The following DOCK3 variants were observed in gnomAD, a reference collection of about 807,000 sequenced individuals.
DOCK3 encodes dedicator of cytokinesis 3, also known as dedicator of cytokinesis protein 3.
Under a neutral mutation model 265.6 loss-of-function variants are expected in DOCK3, and 60 were observed. That is an observed-to-expected ratio of 0.23 (90% CI 0.18 to 0.28). The LOEUF (loss-of-function observed/expected upper bound fraction) is 0.28. Among genes scored for constraint, DOCK3 ranks in the 10% least tolerant of loss-of-function variants. DOCK3 has a pLI of 1.00. For missense variants in DOCK3, 1,981 were observed against 2,594.3 expected (o/e 0.76, Z 5.14); for synonymous variants, 881 against 938.0 (o/e 0.94, Z 1.11).
At chr3:51,014,632 C>T (rs561777348) in intron 5 of DOCK3, among the ~76,000 whole-genome samples, 1 of 152,122 alleles carries the variant, frequency 6.6e-6, no homozygotes, top group Non-Finnish European at 1.5e-5. Context: ...TTTGGCTATT[C>T]TGTGTCTTTT....
chr3:51,257,929 C>T (rs149920523), intron 22 of DOCK3, among the ~76,000 whole-genome samples: 3 of 152,318 alleles, frequency 2.0e-5, no homozygotes, highest in African/African-American at 7.2e-5. Context: ...TGATCCAAAA[C>T]TTCAAGAGGA....
chr3:50,917,279 T>C (rs952042822), intron 4 of DOCK3, among the ~76,000 whole-genome samples: 1 of 152,114 alleles, frequency 6.6e-6, no homozygotes, highest in African/African-American at 2.4e-5. Context: ...TGATAAAACT[T>C]GACTTTTAAA....
chr3:50,803,925 C>T (rs975685952), intron 2 of DOCK3, among the ~76,000 whole-genome samples: 26 of 151,442 alleles, frequency 1.7e-4, no homozygotes, highest in Admixed American at 5.3e-4. Flanking sequence ...CGGGTGGAGA[C>T]GCTCCTCACT....
chr3:51,164,418 T>C (rs6780575), intron 12 of DOCK3, among the ~76,000 whole-genome samples: 138,633 of 152,018 alleles, frequency 0.91, 63,357 homozygotes, highest in African/African-American at 0.96. Context: ...GTCAGGAGAT[T>C]GAGACCATCC....
intron 2 of DOCK3, among the ~76,000 whole-genome samples, chr3:50,804,759 A>C (rs532634941): frequency 6.0e-4 from 78 of 130,016 alleles, no homozygotes; most frequent in Non-Finnish European, 1.2e-3. Flanking sequence ...CCGTGGGGAG[A>C]GGGAGAGGGG....
chr3:50,798,329 T>A (rs1259635613), intron 2 of DOCK3, among the ~76,000 whole-genome samples: 2 of 152,258 alleles, frequency 1.3e-5, no homozygotes, highest in Non-Finnish European at 2.9e-5. Flanking sequence ...GACCAAGCAC[T>A]GCCCATGATC....
At chr3:51,313,978 C>A (rs1294437855) in intron 31 of DOCK3, among the ~76,000 whole-genome samples, 3 of 152,048 alleles carry the variant, frequency 2.0e-5, no homozygotes, top group Admixed American at 6.6e-5. Flanking sequence ...TTTTTTAATA[C>A]CAGATTTGCC....
Position 51,229,566 on chromosome 3 carries a change from T to A in DOCK3, c.1874T>A (p.Val625Glu), listed in dbSNP as rs1405215452. The A allele has an allele frequency of 6.2e-7, 1 of 1,608,694 alleles. No homozygotes were observed. Among genetic ancestry groups the A allele is most frequent in the Non-Finnish European group, 8.5e-7 (1 of 1,177,384 alleles). Residue 625 changes from valine (V) to glutamate (E), a missense_variant, in exon 19 of 53, where the codon GTA becomes GAA. Physicochemically the swap from Val to Glu is moderately radical, Grantham distance 121. Transcript: ENST00000266037. ...GCCTTCCCCGACCGGATCATGGATGTACTAGGGCGGCTGCGGCATGTCAGT... is the reference window on the plus strand; with the variant it reads ...GCCTTCCCCGACCGGATCATGGATGAACTAGGGCGGCTGCGGCATGTCAGT... ...WKAFPDRIMD[V>E]LGRLRHVSGE...
intron 5 of DOCK3, among the ~76,000 whole-genome samples, chr3:50,986,902 G>A (rs760574698): frequency 5.3e-5 from 8 of 152,156 alleles, no homozygotes; most frequent in Non-Finnish European, 1.2e-4. Context: ...TGAAAGCAGC[G>A]TGCTGCTATG....
chr3:51,185,991 A>G (rs2087576715), intron 12 of DOCK3, among the ~76,000 whole-genome samples: 1 of 152,166 alleles, frequency 6.6e-6, no homozygotes, highest in African/African-American at 2.4e-5. Flanking sequence ...ATAAATTGGT[A>G]CCAGTAGAGT....
chr3:50,682,003 T>G (rs962118329), intron 1 of DOCK3, among the ~76,000 whole-genome samples: 1 of 152,248 alleles, frequency 6.6e-6, no homozygotes, highest in Admixed American at 6.5e-5. Flanking sequence ...TCTTCCTTAT[T>G]GAGTAGACTA....
At chr3:50,986,493 G>A (rs941529701) in intron 5 of DOCK3, among the ~76,000 whole-genome samples, 1 of 152,162 alleles carries the variant, frequency 6.6e-6, no homozygotes, top group Non-Finnish European at 1.5e-5. Flanking sequence ...TTCCTACCCA[G>A]TTACACAATG....
chr3:51,030,909 T>G (rs904183434), intron 5 of DOCK3, among the ~76,000 whole-genome samples: 3 of 152,216 alleles, frequency 2.0e-5, no homozygotes, highest in Non-Finnish European at 4.4e-5. Flanking sequence ...AAATCTCTGA[T>G]TGGGAAAATG....
chr3:51,131,050 G>A (rs996300977), intron 9 of DOCK3, among the ~76,000 whole-genome samples: 20 of 152,202 alleles, frequency 1.3e-4, no homozygotes, highest in African/African-American at 2.9e-4. Context: ...TAGAGGCCAC[G>A]CTAATGGCTT....
intron 22 of DOCK3, among the ~76,000 whole-genome samples, chr3:51,259,472 C>T (rs1248137862): frequency 6.6e-6 from 1 of 152,050 alleles, no homozygotes; most frequent in African/African-American, 2.4e-5. Context: ...AAGCATGGGC[C>T]AAGCGTCAGG....
At chr3:51,351,557 C>T (rs1193553471) in intron 40 of DOCK3, among the ~76,000 whole-genome samples, 1 of 151,790 alleles carries the variant, frequency 6.6e-6, no homozygotes, top group African/African-American at 2.4e-5. Flanking sequence ...ATGACAGGGA[C>T]AGCAAGCTCA....
intron 32 of DOCK3, among the ~76,000 whole-genome samples, chr3:51,325,461 G>A (rs766696154): frequency 3.9e-5 from 6 of 152,182 alleles, no homozygotes; most frequent in East Asian, 1.9e-4. Flanking sequence ...TACACTGTTC[G>A]TGGGAGTGTA....
intron 3 of DOCK3, among the ~76,000 whole-genome samples, chr3:50,862,336 A>G (rs150370213): frequency 1.3e-5 from 2 of 152,356 alleles, no homozygotes; most frequent in African/African-American, 4.8e-5. Context: ...CAGGAAACTT[A>G]TCTAGCACCA....
intron 3 of DOCK3, chr3:50,880,503 A>G (rs2047968755): frequency 5.2e-6 from 1 of 194,032 alleles, no homozygotes; most frequent in Non-Finnish European, 1.1e-5. Context: ...AAACACCTCT[A>G]CGCAAATGAG....
Sources: gnomAD v4.1 joint callset for allele counts (sites outside exome capture counted in the v4.1 genomes callset) on GRCh38, gnomAD v4.1.1 for gene constraint, MANE v1.5 for transcripts, NCBI Gene and HGNC (gene_info 2026-07-23, HGNC 2026-07-21) for gene names.